The following FSHR variants were observed in gnomAD, a reference collection of about 807,000 sequenced individuals.
FSHR encodes the protein follicle-stimulating hormone receptor.
FSHR carries 46 observed loss-of-function variants against 52.1 expected under a neutral mutation model. The observed-to-expected ratio is 0.88, with a 90% CI of 0.70 to 1.13. The LOEUF (loss-of-function observed/expected upper bound fraction) is 1.13. FSHR is among the 50% of genes most tolerant of loss of function. FSHR has a pLI of 0.00. For synonymous variants in FSHR, 399 were observed against 309.6 expected (o/e 1.29, Z -3.03); for missense variants, 964 against 834.6 (o/e 1.16, Z -1.91).
intron 1 of FSHR, among the ~76,000 whole-genome samples, chr2:49,097,675 T>C (rs540616785): frequency 1.3e-5 from 2 of 152,300 alleles, no homozygotes; most frequent in South Asian, 4.1e-4. Flanking sequence ...AGAAAAAAGT[T>C]CTGAGGCAGA....
Position 48,962,623 on chromosome 2 carries a change from A to G in FSHR, c.*110T>C, listed in dbSNP as rs1167413509. 1 of 1,115,420 alleles carries G rather than the reference A, an allele frequency of 9.0e-7. No individual in the cohort carries two copies. The highest frequency in any genetic ancestry group is 1.3e-6 in the Non-Finnish European group (1 of 747,906). The allele number at this position is 1,115,420 out of a possible 1,614,324, so 69.1% of individuals were successfully genotyped here. On this transcript the variant is annotated 3_prime_UTR_variant, in exon 10 of 10. Coordinates refer to ENST00000406846, the MANE Select transcript of FSHR (RefSeq NM_000145.4). The stretch of plus-strand genomic sequence containing the variant: ...AATTTACCTTAAAGGTATGCCAGGA[A>G]TATTAAATTAGATGAAATGTGTAGA...
At chr2:49,021,863 C>CTCTCTCTCTCTCTATATATA (rs1467766420) in intron 2 of FSHR, among the ~76,000 whole-genome samples, 1 of 49,872 alleles carries the variant, frequency 2.0e-5, no homozygotes, top group Non-Finnish European at 3.7e-5. Flanking sequence ...CTCTCTCTCT[C>CTCTCTCTCTCTCTATATATA]TATATATATA....
intron 8 of FSHR, among the ~76,000 whole-genome samples, chr2:48,981,209 T>C (rs1675232040): frequency 6.6e-6 from 1 of 152,228 alleles, no homozygotes; most frequent in Admixed American, 6.5e-5. Flanking sequence ...TCCTTCCTTG[T>C]ACTTCATAGA....
rs1214969851 is a variant in FSHR at position 48,983,166 on chromosome 2, T to C, written c.525A>G (p.Leu175=). 1.2e-6 allele frequency: 2 copies of C among 1,613,924 alleles called. No homozygotes were observed. The highest frequency in any genetic ancestry group is 3.3e-5 in the Admixed American group (2 of 60,008). The change falls in exon 7 of 10, where the codon CTA becomes CTG. Residue 175 remains leucine (L), a splice_region_variant and synonymous_variant. Coordinates refer to ENST00000406846, the MANE Select transcript of FSHR (RefSeq NM_000145.4). Reference sequence around the variant, plus strand: ...CTTGAATCCCATTCTTATTCAGCCATCTGAAATAAAAGGCCTATTAAAAAA... The same window carrying C: ...CTTGAATCCCATTCTTATTCAGCCACCTGAAATAAAAGGCCTATTAAAAAA... ...FVGLSFESVI[L]WLNKNGIQEI...
In FSHR at chr2:49,024,802, T is replaced by C. The variant is rs533630684; in HGVS notation, c.225-4642A>G. 7.2e-5 allele frequency among the ~76,000 whole-genome samples: 11 copies of C among 152,312 alleles called. No homozygotes were observed. The South Asian group carries it at 2.1e-3, about 29-fold the overall frequency. On this transcript the variant is annotated intron_variant, in intron 2 of 9. Coordinates refer to ENST00000406846, the MANE Select transcript of FSHR (RefSeq NM_000145.4). ...GCATTAAAATATTTGTAATAGTCAC[T>C]GAATCAAATTTTTCTTTTGTTGTTA...
intron 2 of FSHR, among the ~76,000 whole-genome samples, chr2:49,032,080 A>G (rs1270785022): frequency 6.6e-6 from 1 of 152,182 alleles, no homozygotes; most frequent in Non-Finnish European, 1.5e-5. Flanking sequence ...GAGTCAAGTA[A>G]ACATATACTT....
chr2:49,069,621 T>G (rs1572703383), intron 1 of FSHR, among the ~76,000 whole-genome samples: 1 of 152,274 alleles, frequency 6.6e-6, no homozygotes, highest in East Asian at 1.9e-4. Flanking sequence ...GAACAGTGCT[T>G]AACATGATAG....
chr2:49,124,516 T>C (rs2103788626), intron 1 of FSHR, among the ~76,000 whole-genome samples: 1 of 152,342 alleles, frequency 6.6e-6, no homozygotes, highest in South Asian at 2.1e-4. Flanking sequence ...TTGTTTCTCC[T>C]GTGTTCTTTT....
Position 48,962,378 on chromosome 2 carries a change from C to T in FSHR, c.*355G>A, listed in dbSNP as rs1054903225. The T allele has an allele frequency of 2.2e-5, 6 of 268,342 alleles. No individual in the cohort carries two copies. The highest frequency in any genetic ancestry group is 8.6e-5 in the South Asian group (2 of 23,146). The allele number at this position is 268,342 out of a possible 1,614,324, so 16.6% of individuals were successfully genotyped here. ...GAACAAGTCACTTAACTCTTTGAGT[C>T]GTGGTTTCCTCATTTGTAAAACTCC... On this transcript the variant is annotated 3_prime_UTR_variant, in exon 10 of 10. Coordinates refer to ENST00000406846, the MANE Select transcript of FSHR (RefSeq NM_000145.4).
chr2:49,074,992 C>G (rs983182115), intron 1 of FSHR, among the ~76,000 whole-genome samples: 1 of 151,936 alleles, frequency 6.6e-6, no homozygotes, highest in Admixed American at 6.6e-5. Context: ...AAAAGTTGAT[C>G]TCATAGACGT....
chr2:49,016,660 T>G (rs1372398239), intron 4 of FSHR, among the ~76,000 whole-genome samples: 3 of 152,180 alleles, frequency 2.0e-5, no homozygotes, highest in African/African-American at 7.2e-5. Flanking sequence ...ACCATTCCAC[T>G]GATCAACTCA....
chr2:49,077,384 G>C (rs989372847), intron 1 of FSHR, among the ~76,000 whole-genome samples: 1 of 152,160 alleles, frequency 6.6e-6, no homozygotes, highest in Non-Finnish European at 1.5e-5. Flanking sequence ...AACACAGGGC[G>C]CTAAGTCCCT....
At chr2:49,056,646 T>C (rs529968467) in intron 2 of FSHR, among the ~76,000 whole-genome samples, 1 of 152,006 alleles carries the variant, frequency 6.6e-6, no homozygotes, top group East Asian at 1.9e-4. Flanking sequence ...GGATTTAAAC[T>C]GCACCACAGA....
At chr2:49,081,152 T>G (rs570122979) in intron 1 of FSHR, among the ~76,000 whole-genome samples, 64 of 152,264 alleles carry the variant, frequency 4.2e-4, no homozygotes, top group African/African-American at 1.5e-3. Flanking sequence ...GTATAACAAA[T>G]TATCTTTTCA....
intron 1 of FSHR, among the ~76,000 whole-genome samples, chr2:49,103,900 T>C (rs777495617): frequency 3.3e-5 from 5 of 152,032 alleles, no homozygotes; most frequent in Non-Finnish European, 7.4e-5. Flanking sequence ...GGTTTTCTTT[T>C]AGTGTGCCTT....
intron 1 of FSHR, among the ~76,000 whole-genome samples, chr2:49,092,512 A>G (rs190984527): frequency 1.3e-5 from 2 of 152,306 alleles, no homozygotes; most frequent in East Asian, 3.9e-4. Flanking sequence ...GTTTGCTTCT[A>G]TCTCTAGTCT....
At chr2:49,016,877 A>T (rs1384487632) in intron 4 of FSHR, among the ~76,000 whole-genome samples, 1 of 152,188 alleles carries the variant, frequency 6.6e-6, no homozygotes, top group Non-Finnish European at 1.5e-5. Context: ...AACTCCAGCG[A>T]CCAAATTCTT....
chr2:49,039,578 C>T (rs1244705901), intron 2 of FSHR, among the ~76,000 whole-genome samples: 2 of 152,170 alleles, frequency 1.3e-5, no homozygotes, highest in Non-Finnish European at 1.5e-5. Flanking sequence ...AGGCTTTTGG[C>T]TTAGACTAGA....
chr2:49,026,408 T>G (rs1460851446), intron 2 of FSHR, among the ~76,000 whole-genome samples: 2 of 152,190 alleles, frequency 1.3e-5, no homozygotes, highest in East Asian at 1.9e-4. Flanking sequence ...TGCTTCACAT[T>G]TATTAGGTTG....
Sources: gnomAD v4.1 joint callset for allele counts (sites outside exome capture counted in the v4.1 genomes callset) on GRCh38, gnomAD v4.1.1 for gene constraint, MANE v1.5 for transcripts, NCBI Gene and HGNC (gene_info 2026-07-23, HGNC 2026-07-21) for gene names.